FAR2: variants seen among roughly 807,000 people sequenced by gnomAD.
FAR2 encodes the protein epididymis secretory protein Li 81.
Under a neutral mutation model 56.0 loss-of-function variants are expected in FAR2, and 19 were observed. That is an observed-to-expected ratio of 0.34 (90% CI 0.24 to 0.50). The LOEUF (loss-of-function observed/expected upper bound fraction) is 0.50, where lower values mean the gene tolerates loss of function less well. Among genes scored for constraint, FAR2 ranks in the 20% least tolerant of loss-of-function variants. FAR2 has a pLI of 0.98. For synonymous variants in FAR2, 219 were observed against 218.8 expected (o/e 1.00, Z -0.01); for missense variants, 508 against 642.2 (o/e 0.79, Z 2.26).
intron 4 of FAR2, among the ~76,000 whole-genome samples, chr12:29,298,294 GTT>G (rs57445542): frequency 0.12 from 17,470 of 145,456 alleles, 1,183 homozygotes; most frequent in African/African-American, 0.19. Flanking sequence ...AGTTTACCTT[GTT>G]TTTTTTTTTT....
intron 1 of FAR2, chr12:29,224,008 C>G (rs1475394071): frequency 6.6e-6 from 1 of 152,164 alleles, no homozygotes; most frequent in African/African-American, 2.4e-5. Context: ...CTCATTTACA[C>G]TTTTCCTTGG....
chr12:29,324,507 G>C (rs1176008332), intron 10 of FAR2, among the ~76,000 whole-genome samples: 1 of 152,112 alleles, frequency 6.6e-6, no homozygotes, highest in African/African-American at 2.4e-5. Context: ...GAGAAAGGTC[G>C]GGTTACCCAC....
chr12:29,246,170 G>C (rs1445432939), intron 1 of FAR2, among the ~76,000 whole-genome samples: 1 of 151,876 alleles, frequency 6.6e-6, no homozygotes, highest in Non-Finnish European at 1.5e-5. Flanking sequence ...TTTCATGCCA[G>C]GGTAATACAA....
intron 11 of FAR2, 48 bp from the exon 12 acceptor site, chr12:29,333,584 T>C (rs756611891): frequency 1.7e-5 from 26 of 1,522,196 alleles, no homozygotes; most frequent in African/African-American, 2.8e-5. Flanking sequence ...GATAATGTGG[T>C]TGGGTATCTG....
intron 1 of FAR2, among the ~76,000 whole-genome samples, chr12:29,262,436 G>A (rs1301044773): frequency 1.3e-5 from 2 of 152,074 alleles, no homozygotes; most frequent in Admixed American, 6.5e-5. Flanking sequence ...TTCGAGACCA[G>A]CCTGACCAAC....
intron 1 of FAR2, among the ~76,000 whole-genome samples, chr12:29,214,922 T>C (rs11050132): frequency 0.46 from 69,621 of 151,914 alleles, 18,351 homozygotes; most frequent in East Asian, 0.62. Flanking sequence ...GATTAGTGGG[T>C]GGCTAGAGAA....
At chr12:29,199,370 C>T (rs186722619) in intron 1 of FAR2, among the ~76,000 whole-genome samples, 16 of 152,066 alleles carry the variant, frequency 1.1e-4, no homozygotes, top group East Asian at 1.9e-4. Context: ...GAGGCCGAGG[C>T]GGGTGGATCA....
At chr12:29,188,705 C>T (rs1406380328) in intron 1 of FAR2, among the ~76,000 whole-genome samples, 1 of 152,062 alleles carries the variant, frequency 6.6e-6, no homozygotes, top group East Asian at 1.9e-4. Context: ...ATCAAATCAC[C>T]CTAGTTTTCT....
chr12:29,167,142 A>G (rs1406920295), intron 1 of FAR2, among the ~76,000 whole-genome samples: 1 of 152,208 alleles, frequency 6.6e-6, no homozygotes, highest in Non-Finnish European at 1.5e-5. Context: ...TGGAGATGGT[A>G]CAAATCCATC....
At chr12:29,232,314 T>C (rs1311818317) in intron 1 of FAR2, among the ~76,000 whole-genome samples, 1 of 152,178 alleles carries the variant, frequency 6.6e-6, no homozygotes, top group East Asian at 1.9e-4. Flanking sequence ...TCACATCCTT[T>C]GCACCCTTGG....
intron 1 of FAR2, among the ~76,000 whole-genome samples, chr12:29,232,596 A>G (rs1014418369): frequency 2.6e-5 from 4 of 151,926 alleles, no homozygotes; most frequent in African/African-American, 9.7e-5. Context: ...GGTGTTCAGC[A>G]TTTTCTTGCA....
intron 1 of FAR2, among the ~76,000 whole-genome samples, chr12:29,211,528 T>A (rs940008044): frequency 1.3e-5 from 2 of 152,188 alleles, no homozygotes; most frequent in African/African-American, 2.4e-5. Flanking sequence ...AGTGCATGTC[T>A]AGTAACTGGT....
intron 1 of FAR2, among the ~76,000 whole-genome samples, chr12:29,251,995 G>A (rs973765133): frequency 1.3e-5 from 2 of 152,108 alleles, no homozygotes; most frequent in African/African-American, 2.4e-5. Flanking sequence ...TAGTTCGAGA[G>A]GGAGAAATGC....
intron 2 of FAR2, among the ~76,000 whole-genome samples, chr12:29,277,166 C>CG (rs1948713637): frequency 6.6e-6 from 1 of 151,908 alleles, no homozygotes; most frequent in African/African-American, 2.4e-5. Context: ...TTAGTAGAGA[C>CG]GGGGTTTCAC....
rs570894946 is a variant in FAR2, at chr12:29,322,319, A to G, written c.1257+395A>G. Among the ~76,000 whole-genome samples the G allele has an allele frequency of 3.3e-5, 5 of 152,332 alleles. No individual in the cohort carries two copies. In the East Asian group the frequency reaches 9.6e-4, roughly 29 times the overall value. On this transcript the variant is annotated intron_variant, in intron 10 of 11. Transcript: ENST00000536681. ...AATGATTTTATTGCTTATAAACTCA[A>G]TCATCCACTATTCTTGTCCAATCAA...
intron 9 of FAR2, among the ~76,000 whole-genome samples, chr12:29,320,580 G>A (rs1254219739): frequency 6.6e-6 from 1 of 152,198 alleles, no homozygotes. Flanking sequence ...GCCAACTATA[G>A]TAATCACTAC....
At chr12:29,256,836 G>A (rs1007981415) in intron 1 of FAR2, among the ~76,000 whole-genome samples, 3 of 152,228 alleles carry the variant, frequency 2.0e-5, no homozygotes, top group Non-Finnish European at 4.4e-5. Flanking sequence ...CCAGCCCAAC[G>A]GCGCTGCACT....
At chr12:29,319,758 T>C (rs1444660921) in intron 9 of FAR2, among the ~76,000 whole-genome samples, 2 of 152,224 alleles carry the variant, frequency 1.3e-5, no homozygotes, top group Admixed American at 6.5e-5. Flanking sequence ...TTCTGTAAAA[T>C]GGGCACAGTA....
At chr12:29,197,332 G>A (rs567259416) in intron 1 of FAR2, among the ~76,000 whole-genome samples, 17 of 152,318 alleles carry the variant, frequency 1.1e-4, no homozygotes, top group African/African-American at 3.8e-4. Flanking sequence ...GAGATGTACA[G>A]TCTTACACTT....
Sources: allele counts gnomAD v4.1 joint callset (sites outside exome capture counted in the v4.1 genomes callset), GRCh38; gene constraint gnomAD v4.1.1; transcripts MANE v1.5; gene names NCBI Gene and HGNC (gene_info 2026-07-23, HGNC 2026-07-21).